The following LRP5 variants were observed in gnomAD, a reference collection of about 807,000 sequenced individuals.
The protein encoded by LRP5 is low-density lipoprotein receptor-related protein 5.
LRP5 carries 62 observed loss-of-function variants against 154.1 expected under a neutral mutation model. The observed-to-expected ratio is 0.40, with a 90% confidence interval of 0.33 to 0.50. The LOEUF (loss-of-function observed/expected upper bound fraction) is 0.50. Among genes scored for constraint, LRP5 ranks in the 20% least tolerant of loss-of-function variants. The probability of loss-of-function intolerance (pLI) is 0.55; values close to 1 mark genes in which losing one functional copy is unlikely to be tolerated. For synonymous variants in LRP5, 966 were observed against 1,011.5 expected (o/e 0.96, Z 0.85); for missense variants, 1,915 against 2,336.7 (o/e 0.82, Z 3.72).
At chr11:68,321,829 A>G (rs2098596928) in intron 1 of LRP5, among the ~76,000 whole-genome samples, 2 of 152,268 alleles carry the variant, frequency 1.3e-5, no homozygotes, top group South Asian at 4.1e-4. Context: ...GGGAGGCGGT[A>G]CCTGCCTGGC....
At chr11:68,420,433 G>A (rs1354403808) in intron 13 of LRP5, among the ~76,000 whole-genome samples, 2 of 152,180 alleles carry the variant, frequency 1.3e-5, no homozygotes, top group African/African-American at 4.8e-5. Context: ...GCTGGGCGCG[G>A]TGGCTCACAC....
chr11:68,432,124 GGGCGCGCCCCT>G (rs2098672272), intron 17 of LRP5, among the ~76,000 whole-genome samples: 1 of 152,148 alleles, frequency 6.6e-6, no homozygotes. Context: ...TCCCTGAGCC[GGGCGCGCCCCT>G]GGCTCTGGCC....
chr11:68,331,145 C>T (rs1300235475), intron 1 of LRP5, among the ~76,000 whole-genome samples: 1 of 152,226 alleles, frequency 6.6e-6, no homozygotes, highest in African/African-American at 2.4e-5. Context: ...CCTTGTGCCC[C>T]TCTACCTAGG....
intron 5 of LRP5, among the ~76,000 whole-genome samples, chr11:68,372,501 A>ACCGTGGCGGCGAGGAGGTGCAGTGTGAGG (rs1565353667): frequency 1.3e-5 from 2 of 151,418 alleles, no homozygotes; most frequent in African/African-American, 4.9e-5. Context: ...CAGACCGGGG[A>ACCGTGGCGGCGAGGAGGTGCAGTGTGAGG]CTTGGAGCAC....
intron 7 of LRP5, among the ~76,000 whole-genome samples, chr11:68,394,292 C>T (rs1385870579): frequency 6.6e-6 from 1 of 151,996 alleles, no homozygotes; most frequent in Non-Finnish European, 1.5e-5. Flanking sequence ...CCATACTGTC[C>T]TTGGGAAGTT....
chr11:68,334,055 G>A (rs886141160), intron 1 of LRP5, among the ~76,000 whole-genome samples: 10 of 152,148 alleles, frequency 6.6e-5, no homozygotes, highest in Non-Finnish European at 8.8e-5. Flanking sequence ...CCAACATGGT[G>A]AAACCCCATC....
intron 8 of LRP5, chr11:68,404,485 C>G: frequency 2.0e-6 from 1 of 490,724 alleles, no homozygotes; most frequent in Non-Finnish European, 4.0e-6. Context: ...CTTTAAAATA[C>G]GAGGGAGCTG....
At chr11:68,402,904 T>C (rs948541708) in intron 7 of LRP5, among the ~76,000 whole-genome samples, 2 of 152,154 alleles carry the variant, frequency 1.3e-5, no homozygotes, top group African/African-American at 4.8e-5. Context: ...AAAGGGATCC[T>C]CAGCTGGCCC....
At chr11:68,298,984 C>T in the LRP5 span, among the ~76,000 whole-genome samples, 29 of 152,194 alleles carry the variant, frequency 1.9e-4, no homozygotes, top group African/African-American at 7.0e-4. Flanking sequence ...GAGGAAGCTG[C>T]ACAATATTTC....
the LRP5 span, among the ~76,000 whole-genome samples, chr11:68,300,001 G>A: frequency 1.3e-5 from 2 of 148,874 alleles, no homozygotes; most frequent in Admixed American, 6.7e-5. Flanking sequence ...AGGTTCAAGC[G>A]ATTCTCCTGC....
At position 68,387,809 on chromosome 11, in the gene LRP5, G is replaced by C. The variant is rs562396250; in HGVS notation, c.1412+1097G>C. Among the ~76,000 whole-genome samples, 215 of 152,326 alleles carry C rather than the reference G, an allele frequency of 1.4e-3. 4 individuals are homozygous for C. Among genetic ancestry groups the C allele is most frequent in the Admixed American group, 3.7e-3 (57 of 15,304 alleles). On this transcript the variant is annotated intron_variant, in intron 6 of 22. Coordinates refer to ENST00000294304, the MANE Select transcript of LRP5 (RefSeq NM_002335.4). ...GAGGTCAGTAGCGGTGCTGCCCTCT[G>C]TGGAGCACTTAGTGGGCACCAGGTG... is the stretch of plus-strand genomic sequence containing the variant.
chr11:68,445,011 C>A (rs902559610), intron 21 of LRP5, among the ~76,000 whole-genome samples: 4 of 152,150 alleles, frequency 2.6e-5, no homozygotes, highest in Non-Finnish European at 4.4e-5. Context: ...CTGGCCACTC[C>A]CCAGAGGCTA....
intron 1 of LRP5, among the ~76,000 whole-genome samples, chr11:68,342,233 T>G (rs1319606101): frequency 6.6e-6 from 1 of 152,166 alleles, no homozygotes; most frequent in African/African-American, 2.4e-5. Flanking sequence ...CCTTCTACTC[T>G]GCTACTCTGC....
intron 15 of LRP5, 120 bp from the exon 16 acceptor site, chr11:68,425,858 C>A: frequency 1.1e-6 from 1 of 896,688 alleles, no homozygotes; most frequent in Non-Finnish European, 1.8e-6. Flanking sequence ...CCACCCCTGT[C>A]CAAAGCATGG....
At chr11:68,331,637 C>A (rs1228015259) in intron 1 of LRP5, among the ~76,000 whole-genome samples, 10 of 152,234 alleles carry the variant, frequency 6.6e-5, no homozygotes, top group Non-Finnish European at 1.5e-4. Context: ...CACCCCCAAA[C>A]GTGCCCCCTG....
At chr11:68,301,074 C>T in the LRP5 span, among the ~76,000 whole-genome samples, 2 of 147,818 alleles carry the variant, frequency 1.4e-5, no homozygotes, top group Admixed American at 6.8e-5. Context: ...GGATGACAGA[C>T]GTGCACCACC....
rs149214997 is a variant in LRP5 at position 68,400,169 on chromosome 11, G to A, written c.1585-3314G>A. ...CAGCCCCAGCCGGGTGGAACAGCCC[G>A]TCGCCTCCTCTCACTTTGTTTTGGG... On this transcript the variant is annotated intron_variant, in intron 7 of 22. Coordinates refer to ENST00000294304, the MANE Select transcript of LRP5 (RefSeq NM_002335.4). Among the ~76,000 whole-genome samples the A allele has an allele frequency of 5.2e-3, 798 of 152,278 alleles. 6 individuals carry two copies. Among genetic ancestry groups the A allele is most frequent in the African/African-American group, 0.018 (753 of 41,564 alleles).
At chr11:68,398,356 C>T (rs979268186) in intron 7 of LRP5, among the ~76,000 whole-genome samples, 1 of 152,230 alleles carries the variant, frequency 6.6e-6, no homozygotes, top group Non-Finnish European at 1.5e-5. Context: ...CGGCGGCCGG[C>T]CCATTCCTTG....
intron 8 of LRP5, 57 bp from the exon 9 acceptor site, chr11:68,406,467 C>T (rs994669698): frequency 4.4e-6 from 7 of 1,575,706 alleles, no homozygotes; most frequent in African/African-American, 4.0e-5. Context: ...CTTGGCCGCA[C>T]CCCTTTCCCT....
Sources: allele counts gnomAD v4.1 joint callset (sites outside exome capture counted in the v4.1 genomes callset), GRCh38; gene constraint gnomAD v4.1.1; transcripts MANE v1.5; gene names NCBI Gene and HGNC (gene_info 2026-07-23, HGNC 2026-07-21).